The following WWOX variants were observed in gnomAD, a reference collection of about 807,000 sequenced individuals.
The protein encoded by WWOX is WW domain-containing oxidoreductase.
WWOX carries 69 observed loss-of-function variants against 46.2 expected under a neutral mutation model. The observed-to-expected ratio is 1.49, with a 90% CI of 1.23 to 1.82. The LOEUF (loss-of-function observed/expected upper bound fraction) is 1.82. WWOX is among the 40% of genes most tolerant of loss of function. WWOX has a pLI of 0.00. For synonymous variants in WWOX, 359 were observed against 202.6 expected, an observed-to-expected ratio of 1.77 and a Z score of -6.56; for missense variants, 919 against 542.6, an observed-to-expected ratio of 1.69 and a Z score of -6.89.
intron 8 of WWOX, among the ~76,000 whole-genome samples, chr16:78,499,491 C>T (rs539225157): frequency 1.3e-5 from 2 of 152,160 alleles, no homozygotes; most frequent in Non-Finnish European, 2.9e-5. Flanking sequence ...GGAGATTTTC[C>T]GTTCTTTGGC....
intron 8 of WWOX, among the ~76,000 whole-genome samples, chr16:78,941,274 G>A (rs2045846432): frequency 6.6e-6 from 1 of 152,094 alleles, no homozygotes; most frequent in Non-Finnish European, 1.5e-5. Context: ...TTGGGCCCGT[G>A]CTATAATTAA....
chr16:78,914,233 C>T (rs189566870), intron 8 of WWOX, among the ~76,000 whole-genome samples: 14 of 152,100 alleles, frequency 9.2e-5, no homozygotes, highest in East Asian at 3.9e-4. Flanking sequence ...TCTATCCATC[C>T]GTCTATTCAT....
intron 5 of WWOX, among the ~76,000 whole-genome samples, chr16:78,205,791 C>G (rs1468697275): frequency 1.3e-5 from 2 of 152,198 alleles, no homozygotes; most frequent in East Asian, 3.9e-4. Context: ...CTTCACCCAT[C>G]TGGCCATCCA....
intron 5 of WWOX, among the ~76,000 whole-genome samples, chr16:78,336,276 C>T (rs1445230705): frequency 6.7e-6 from 1 of 149,558 alleles, no homozygotes; most frequent in Admixed American, 6.7e-5. Flanking sequence ...AATTCAAAAC[C>T]AGCCTGACCA....
chr16:78,103,480 C>G (rs561385475), intron 1 of WWOX, among the ~76,000 whole-genome samples: 223 of 152,048 alleles, frequency 1.5e-3, no homozygotes, highest in Admixed American at 2.6e-3. Context: ...TTGTGTCCGT[C>G]CCTGCTGGCC....
intron 8 of WWOX, among the ~76,000 whole-genome samples, chr16:78,456,990 C>T (rs1262008049): frequency 2.0e-5 from 3 of 152,232 alleles, no homozygotes; most frequent in Non-Finnish European, 4.4e-5. Context: ...AGCATTTTTG[C>T]TAACACTGCC....
At chr16:78,805,157 G>GT (rs60984592) in intron 8 of WWOX, among the ~76,000 whole-genome samples, 110,413 of 152,132 alleles carry the variant, frequency 0.73, 40,501 homozygotes, top group Middle Eastern at 0.84. Context: ...AATGTTTAAG[G>GT]AGGCAAAGAA....
intron 8 of WWOX, among the ~76,000 whole-genome samples, chr16:79,006,390 G>C (rs1238239043): frequency 1.3e-5 from 2 of 152,170 alleles, no homozygotes; most frequent in East Asian, 3.9e-4. Flanking sequence ...GACAGGGCTG[G>C]GGAGGGGCAT....
chr16:79,150,014 C>G (rs889892509), intron 8 of WWOX, among the ~76,000 whole-genome samples: 6 of 152,174 alleles, frequency 3.9e-5, no homozygotes, highest in African/African-American at 1.2e-4. Flanking sequence ...TTATGGGAAC[C>G]TAAGAAGGAA....
intron 8 of WWOX, among the ~76,000 whole-genome samples, chr16:78,677,255 C>T (rs570774698): frequency 7.9e-5 from 12 of 152,246 alleles, no homozygotes; most frequent in East Asian, 7.7e-4. Context: ...GGTCAGGCAG[C>T]TGTTTGACAG....
intron 8 of WWOX, among the ~76,000 whole-genome samples, chr16:79,137,824 A>G (rs1186712224): frequency 6.6e-6 from 1 of 152,060 alleles, no homozygotes; most frequent in Non-Finnish European, 1.5e-5. Context: ...CTGCTGGGTC[A>G]GGCTTCTGGC....
At chr16:78,621,292 C>G (rs906388065) in intron 8 of WWOX, among the ~76,000 whole-genome samples, 5 of 152,132 alleles carry the variant, frequency 3.3e-5, no homozygotes, top group Non-Finnish European at 5.9e-5. Flanking sequence ...CATTAACTCA[C>G]AGATCTATCT....
At chr16:78,465,269 C>A (rs2084047484) in intron 8 of WWOX, among the ~76,000 whole-genome samples, 1 of 152,224 alleles carries the variant, frequency 6.6e-6, no homozygotes, top group Non-Finnish European at 1.5e-5. Context: ...GGTTGGAAAT[C>A]ATACTGATTT....
At chr16:78,409,907 C>T (rs773505474) in intron 6 of WWOX, among the ~76,000 whole-genome samples, 2 of 152,178 alleles carry the variant, frequency 1.3e-5, no homozygotes, top group Admixed American at 1.3e-4. Context: ...CTGTGCTTAC[C>T]TAGATTATCT....
At chr16:78,988,495 G>A (rs927734905) in intron 8 of WWOX, among the ~76,000 whole-genome samples, 1 of 152,126 alleles carries the variant, frequency 6.6e-6, no homozygotes, top group African/African-American at 2.4e-5. Context: ...GGAAGGAGCT[G>A]TAACCTTTGG....
rs77318896 is a variant in WWOX at position 78,380,019 on chromosome 16, A to C, written c.517-6841A>C. 2.6e-3 allele frequency among the ~76,000 whole-genome samples: 391 copies of C among 152,324 alleles called. 2 individuals are homozygous for C. Among genetic ancestry groups the C allele is most frequent in the African/African-American group, 9.1e-3 (378 of 41,578 alleles). ...AATGAGTACATGAATTTAGTCCTGT[A>C]AATGTTTTCTCCCTTATTTGGGACA... On this transcript the variant is annotated intron_variant, in intron 5 of 8. Transcript: ENST00000566780.
chr16:79,150,129 A>G (rs1190489024), intron 8 of WWOX, among the ~76,000 whole-genome samples: 1 of 152,212 alleles, frequency 6.6e-6, no homozygotes, highest in African/African-American at 2.4e-5. Flanking sequence ...TGGTTCACCA[A>G]GCTTAGCTCT....
At chr16:78,503,264 A>C (rs993188537) in intron 8 of WWOX, among the ~76,000 whole-genome samples, 17 of 152,210 alleles carry the variant, frequency 1.1e-4, no homozygotes, top group African/African-American at 3.9e-4. Context: ...TAAAATCTGG[A>C]ATCTGCTCTC....
Position 78,703,497 on chromosome 16 carries a change from C to G in WWOX, c.1056+270745C>G, listed in dbSNP as rs532186331. On this transcript the variant is annotated intron_variant, in intron 8 of 8. Transcript: ENST00000566780. ...TGGGGATGGTGGCTTGCACCTGTAG[C>G]TCCAGCTACTCAGAGGGAGGCTGAA... 2.9e-3 allele frequency among the ~76,000 whole-genome samples: 447 copies of G among 151,882 alleles called. 2 individuals are homozygous for G. The highest frequency in any genetic ancestry group is 0.01 in the African/African-American group (428 of 41,428).
Sources: gnomAD v4.1 joint callset for allele counts (sites outside exome capture counted in the v4.1 genomes callset) on GRCh38, gnomAD v4.1.1 for gene constraint, MANE v1.5 for transcripts, NCBI Gene and HGNC (gene_info 2026-07-23, HGNC 2026-07-21) for gene names.